Variants in JAG1 observed in about 807,000 individuals in gnomAD.
JAG1 encodes the protein protein jagged-1.
JAG1 carries 23 observed loss-of-function variants against 148.7 expected under a neutral mutation model. The observed-to-expected ratio is 0.15, with a 90% CI of 0.11 to 0.22. The LOEUF (loss-of-function observed/expected upper bound fraction) is 0.22. Among genes scored for constraint, JAG1 ranks in the 10% least tolerant of loss-of-function variants. The probability of loss-of-function intolerance (pLI) is 1.00; values close to 1 mark genes in which losing one functional copy is unlikely to be tolerated. For missense variants in JAG1, 1,054 were observed against 1,611.2 expected (o/e 0.65, Z 5.92); for synonymous variants, 572 against 598.3 (o/e 0.96, Z 0.64).
At chr20:10,665,502 T>G (rs1366991792) in intron 2 of JAG1, among the ~76,000 whole-genome samples, 4 of 152,200 alleles carry the variant, frequency 2.6e-5, no homozygotes, top group African/African-American at 7.2e-5. Context: ...AAGTTATACC[T>G]TATTTACTGC....
At chr20:10,668,092 T>TAAAAAAAAA (rs58852175) in intron 2 of JAG1, among the ~76,000 whole-genome samples, 2 of 107,246 alleles carry the variant, frequency 1.9e-5, no homozygotes, top group Non-Finnish European at 3.8e-5. Context: ...ACTGGCACCA[T>TAAAAAAAAA]AAAAAAAAAA....
In JAG1 at chr20:10,673,167, A is replaced by C. The variant is rs2067509982; in HGVS notation, c.82-161T>G. 3.4e-5 allele frequency: 2 copies of C among 58,712 alleles called. No homozygotes were observed. Among genetic ancestry groups the C allele is most frequent in the South Asian group, 4.0e-4 (2 of 4,970 alleles). 3.6% of individuals were successfully genotyped at this position (58,712 alleles called of 1,614,324 possible). On this transcript the variant is annotated intron_variant, in intron 1 of 25. Transcript: ENST00000254958. The surrounding 1 kb of genome is among the most constrained non-coding windows in gnomAD (Gnocchi z 4.7). Reference sequence around the variant, plus strand: ...CAAGGACTCAACATGATTCCGGGGCAAAAAAAAAAAAAAATGCACGAGTGC... The same window carrying C: ...CAAGGACTCAACATGATTCCGGGGCCAAAAAAAAAAAAAATGCACGAGTGC...
intron 3 of JAG1, 49 bp downstream of exon 3, chr20:10,663,914 C>T (rs1029412067): frequency 4.6e-6 from 7 of 1,508,716 alleles, no homozygotes; most frequent in Non-Finnish European, 6.5e-6. Context: ...TGGCCAAGCC[C>T]CACACTTCCA....
chr20:10,648,406 T>C, intron 12 of JAG1, 143 bp downstream of exon 12: 1 of 774,836 alleles, frequency 1.3e-6, no homozygotes, highest in Non-Finnish European at 2.2e-6. Flanking sequence ...AGCATTTGTC[T>C]AGCAGAGACT....
chr20:10,646,895 C>T (rs1197222909), intron 14 of JAG1, 44 bp downstream of exon 14: 3 of 1,593,074 alleles, frequency 1.9e-6, no homozygotes, highest in Admixed American at 1.7e-5. Flanking sequence ...GGGGCAGGGG[C>T]AGGCTGGGGA....
Position 10,640,865 on chromosome 20 carries a change from A to G in JAG1, c.3117T>C (p.Val1039=). 3 of 1,614,096 alleles carry G rather than the reference A, an allele frequency of 1.9e-6. No homozygotes were observed. Among genetic ancestry groups the G allele is most frequent in the Non-Finnish European group, 2.5e-6 (3 of 1,179,932 alleles). The change falls in exon 25 of 26, where the codon GTT becomes GTC. Residue 1039 remains valine, a synonymous_variant. Transcript: ENST00000254958. ...GCGAGCTGTTTCCATCACGTTTACTAACAAGATCGATTATTTTGTCAGTGA... is the reference window on the plus strand; with the variant it reads ...GCGAGCTGTTTCCATCACGTTTACTGACAAGATCGATTATTTTGTCAGTGA... ...KEITDKIIDL[V]SKRDGNSSLI...
At position 10,640,803 on chromosome 20, in the gene JAG1, C is replaced by T. The variant is rs773538545; in HGVS notation, c.3179G>A (p.Arg1060Gln). ...CCTACCTGTTCTGTTCTTCAGAGGC[C>T]GCCTCTGAACTCTTACTTCTGCAAC... is the stretch of plus-strand genomic sequence containing the variant. ...AAVAEVRVQR[R>Q]PLKNRTDFLV... Residue 1060 changes from arginine to glutamine, a missense_variant, in exon 25 of 26, where the codon CGG becomes CAG. This residue lies in a region of JAG1 where 342 missense variants were observed against 514.6 expected (regional missense o/e 0.66). Coordinates refer to ENST00000254958, the MANE Select transcript of JAG1 (RefSeq NM_000214.3). 6.2e-6 allele frequency: 10 copies of T among 1,614,054 alleles called. No individual in the cohort carries two copies. The East Asian group carries it at 6.7e-5, about 11-fold the overall frequency.
chr20:10,641,296 A>G (rs776261937), intron 23 of JAG1, 52 bp from the exon 24 acceptor site: 3 of 1,606,408 alleles, frequency 1.9e-6, no homozygotes, highest in Admixed American at 1.7e-5. Flanking sequence ...AGGAAGAACA[A>G]AAGGCTGAGA....
At chr20:10,659,310 T>A (rs1011015810) in intron 3 of JAG1, among the ~76,000 whole-genome samples, 2 of 152,238 alleles carry the variant, frequency 1.3e-5, no homozygotes, top group Non-Finnish European at 2.9e-5. Flanking sequence ...ACCATTTATA[T>A]TTGTTCCTGT....
chr20:10,646,825 C>CAA (rs79074328), intron 14 of JAG1, 114 bp downstream of exon 14: 9,070 of 871,342 alleles, frequency 0.01, no homozygotes, highest in Middle Eastern at 0.014. Context: ...AATTCGGTCT[C>CAA]AAAAAAAAAA....
intron 2 of JAG1, among the ~76,000 whole-genome samples, chr20:10,669,845 C>T (rs2067483970): frequency 6.6e-6 from 1 of 152,078 alleles, no homozygotes; most frequent in East Asian, 1.9e-4. Context: ...ACAGATTAAC[C>T]GTTTCAGTGA....
chr20:10,667,293 G>T (rs746664602), intron 2 of JAG1, among the ~76,000 whole-genome samples: 31 of 152,268 alleles, frequency 2.0e-4, no homozygotes, highest in Admixed American at 6.5e-4. Flanking sequence ...TGCACAGTCA[G>T]TCGGCTCCCA....
chr20:10,664,180 C>T (rs1224429696), intron 2 of JAG1, among the ~76,000 whole-genome samples, 166 bp from the exon 3 acceptor site: 5 of 152,132 alleles, frequency 3.3e-5, no homozygotes, highest in Non-Finnish European at 5.9e-5. Context: ...TCCAAACCAA[C>T]TCCCCTTCCT....
At chr20:10,667,998 G>A (rs1002527159) in intron 2 of JAG1, among the ~76,000 whole-genome samples, 1 of 148,576 alleles carries the variant, frequency 6.7e-6, no homozygotes, top group East Asian at 2.0e-4. Flanking sequence ...CTGCATGTTT[G>A]ACTATTTATG....
Position 10,639,409 on chromosome 20 carries a change from G to GTACT in JAG1, c.*88_*89insAGTA, listed in dbSNP as rs2067254283. The GTACT allele has an allele frequency of 8.5e-7, 1 of 1,172,240 alleles. No homozygotes were observed. Among genetic ancestry groups the GTACT allele is most frequent in the Non-Finnish European group, 1.3e-6 (1 of 777,454 alleles). 72.6% of individuals were successfully genotyped at this position (1,172,240 alleles called of 1,614,324 possible). A position where few individuals can be genotyped will look rare whatever the true frequency, so the allele number is the denominator to read the frequency against. ...AAATTAACACAGGGATTCTAAGTCA[G>GTACT]CAACGGCCTCAGACTCGAGTATGAC... is the stretch of plus-strand genomic sequence containing the variant. On this transcript the variant is annotated 3_prime_UTR_variant, in exon 26 of 26. Coordinates refer to ENST00000254958, the MANE Select transcript of JAG1 (RefSeq NM_000214.3).
Position 10,640,889 on chromosome 20 carries a change from G to T in JAG1, c.3093C>A (p.Ile1031=). The change falls in exon 25 of 26, where the codon ATC becomes ATA. Residue 1031 remains isoleucine, a synonymous_variant. Transcript: ENST00000254958. ...TAACAAGATCGATTATTTTGTCAGTGATTTCCTTGATCGGGTTCCCATCAT... is the reference window on the plus strand; with the variant it reads ...TAACAAGATCGATTATTTTGTCAGTTATTTCCTTGATCGGGTTCCCATCAT... ...IRDDGNPIKE[I]TDKIIDLVSK... The T allele has an allele frequency of 6.2e-7, 1 of 1,614,092 alleles. No individual in the cohort carries two copies. Among genetic ancestry groups the T allele is most frequent in the South Asian group, 1.1e-5 (1 of 91,084 alleles).
At chr20:10,660,956 G>A (rs930320310) in intron 3 of JAG1, among the ~76,000 whole-genome samples, 3 of 152,174 alleles carry the variant, frequency 2.0e-5, no homozygotes, top group Non-Finnish European at 2.9e-5. Context: ...GGACCACACC[G>A]ACCCAAAAAC....
intron 20 of JAG1, among the ~76,000 whole-genome samples, chr20:10,643,463 C>T (rs909822072): frequency 4.6e-4 from 70 of 152,084 alleles, no homozygotes; most frequent in Non-Finnish European, 2.2e-4. Context: ...ATCTGCTTGC[C>T]CATAATTTCA....
intron 22 of JAG1, 36 bp from the exon 23 acceptor site, chr20:10,641,729 T>C: frequency 6.2e-7 from 1 of 1,610,860 alleles, no homozygotes; most frequent in Non-Finnish European, 8.5e-7. Context: ...TTAGCAGGCA[T>C]GCTCATCCCT....
Sources: gnomAD v4.1 joint callset for allele counts (sites outside exome capture counted in the v4.1 genomes callset) on GRCh38, gnomAD v4.1.1 for gene constraint, gnomAD v4.1.1 regional missense constraint, Gnocchi (gnomAD v3.1) non-coding constraint, MANE v1.5 for transcripts, NCBI Gene and HGNC (gene_info 2026-07-23, HGNC 2026-07-21) for gene names.